Variants in IFT56 observed in about 807,000 individuals in gnomAD.
IFT56 encodes the protein intraflagellar transport 56, also known as intraflagellar transport protein 56.
At chr7:139,152,921 G>A in the IFT56 span, among the ~76,000 whole-genome samples, 7 of 152,098 alleles carry the variant, frequency 4.6e-5, no homozygotes, top group Non-Finnish European at 7.4e-5. Context: ...GGCGGAGGCG[G>A]GCGGATTGCC....
chr7:139,172,640 A>G, the IFT56 span: 1 of 605,860 alleles, frequency 1.7e-6, no homozygotes, highest in Non-Finnish European at 3.2e-6. Flanking sequence ...GTGCTTCAAC[A>G]AAGCCTTCAG....
At chr7:139,168,676 T>C in the IFT56 span, 1 of 399,708 alleles carries the variant, frequency 2.5e-6, no homozygotes, top group Non-Finnish European at 4.7e-6. Context: ...TAAAAATCAT[T>C]GCGCAACTTC....
At chr7:139,166,861 A>G in the IFT56 span, 1 of 1,585,722 alleles carries the variant, frequency 6.3e-7, no homozygotes, top group Non-Finnish European at 8.6e-7. Context: ...GAAGCTTATA[A>G]CTTAATTAAG....
chr7:139,173,188 C>A, the IFT56 span: 1 of 536,758 alleles, frequency 1.9e-6, no homozygotes, highest in Non-Finnish European at 3.4e-6. Context: ...GTTTATGGCA[C>A]TTTCCTTAAT....
chr7:139,162,157 C>G, the IFT56 span, among the ~76,000 whole-genome samples: 1 of 152,130 alleles, frequency 6.6e-6, no homozygotes, highest in African/African-American at 2.4e-5. Flanking sequence ...AAAGGGCAAA[C>G]AAGAAGAAGC....
At chr7:139,166,392 A>G in the IFT56 span, among the ~76,000 whole-genome samples, 1 of 152,078 alleles carries the variant, frequency 6.6e-6, no homozygotes, top group Admixed American at 6.5e-5. Flanking sequence ...AAACACCCAA[A>G]TACTCACCCT....
the IFT56 span, among the ~76,000 whole-genome samples, chr7:139,154,648 G>A: frequency 6.6e-6 from 1 of 152,086 alleles, no homozygotes; most frequent in Non-Finnish European, 1.5e-5. Context: ...GTTTATCATA[G>A]ACAAATGGAT....
chr7:139,169,367 T>C, the IFT56 span: 10 of 1,612,290 alleles, frequency 6.2e-6, no homozygotes, highest in African/African-American at 6.7e-5. Flanking sequence ...GTCTGAAATC[T>C]GTACTTATGA....
the IFT56 span, among the ~76,000 whole-genome samples, chr7:139,184,539 T>C: frequency 6.6e-6 from 1 of 152,172 alleles, no homozygotes; most frequent in Non-Finnish European, 1.5e-5. Context: ...TGTTAGATGT[T>C]AGGGATGGTG....
the IFT56 span, chr7:139,148,178 G>A: frequency 6.3e-7 from 1 of 1,577,284 alleles, no homozygotes. Context: ...AGACTTAAAT[G>A]GTTAACCCTA....
the IFT56 span, among the ~76,000 whole-genome samples, chr7:139,175,273 C>T: frequency 6.6e-6 from 1 of 151,894 alleles, no homozygotes; most frequent in Non-Finnish European, 1.5e-5. Flanking sequence ...TATGTACGTA[C>T]AAATGTAAAT....
At chr7:139,178,157 C>G in the IFT56 span, 3 of 1,220,090 alleles carry the variant, frequency 2.5e-6, no homozygotes, top group Non-Finnish European at 3.6e-6. Context: ...CAAACTTCAG[C>G]TAAAGAGGAT....
the IFT56 span, chr7:139,178,663 C>T: frequency 7.7e-6 from 11 of 1,431,496 alleles, no homozygotes; most frequent in Admixed American, 5.1e-5. Context: ...CTTTTTCTCA[C>T]TGGAATAAAA....
chr7:139,178,708 G>C, the IFT56 span: 1 of 972,468 alleles, frequency 1.0e-6, no homozygotes, highest in Non-Finnish European at 1.6e-6. Flanking sequence ...AGATTCCTCT[G>C]TTCTTAGGAT....
At chr7:139,169,813 C>A in the IFT56 span, among the ~76,000 whole-genome samples, 1 of 152,054 alleles carries the variant, frequency 6.6e-6, no homozygotes, top group South Asian at 2.1e-4. Context: ...GAGTTCAGGA[C>A]CAGCCTGGGC....
chr7:139,149,142 A>G, the IFT56 span, among the ~76,000 whole-genome samples: 2 of 151,848 alleles, frequency 1.3e-5, no homozygotes, highest in Non-Finnish European at 2.9e-5. Context: ...CATCTCTACT[A>G]AAAACACAAA....
chr7:139,172,830 G>T, the IFT56 span: 1 of 664,752 alleles, frequency 1.5e-6, no homozygotes. Context: ...TCCCTTCAAA[G>T]CCAGCGAACA....
the IFT56 span, among the ~76,000 whole-genome samples, chr7:139,154,280 G>C: frequency 2.0e-5 from 3 of 150,708 alleles, no homozygotes; most frequent in African/African-American, 7.3e-5. Flanking sequence ...CTATCCTATA[G>C]ATTTTTTCAT....
the IFT56 span, chr7:139,173,589 A>G: frequency 1.2e-6 from 1 of 821,780 alleles, no homozygotes; most frequent in Non-Finnish European, 2.2e-6. Context: ...AGGAGAGTGT[A>G]ATCAAAGGTT....
Sources: allele counts gnomAD v4.1 joint callset (sites outside exome capture counted in the v4.1 genomes callset), GRCh38; gene constraint gnomAD v4.1.1; transcripts MANE v1.5; gene names NCBI Gene and HGNC (gene_info 2026-07-23, HGNC 2026-07-21).